CSMD2: variants seen among roughly 807,000 people sequenced by gnomAD.
The protein encoded by CSMD2 is CUB and Sushi multiple domains 2, also known as CUB and sushi domain-containing protein 2.
A neutral mutation model predicts 398.5 loss-of-function variants in CSMD2; 130 were observed. The observed-to-expected ratio is 0.33, with a 90% CI of 0.28 to 0.38. The LOEUF (loss-of-function observed/expected upper bound fraction) is 0.38, where lower values mean the gene tolerates loss of function less well. Among genes scored for constraint, CSMD2 ranks in the 10% least tolerant of loss-of-function variants. CSMD2 has a pLI of 1.00. For synonymous variants in CSMD2, 1,828 were observed against 1,908.5 expected (o/e 0.96, Z 1.10); for missense variants, 3,829 against 4,764.9 (o/e 0.80, Z 5.78).
chr1:33,990,443 C>T (rs142654036), intron 3 of CSMD2, among the ~76,000 whole-genome samples: 1 of 152,224 alleles, frequency 6.6e-6, no homozygotes, highest in Non-Finnish European at 1.5e-5. Context: ...GGATTCACCC[C>T]ATTTAAGGTG....
At chr1:33,727,653 G>T (rs1164042788) in intron 15 of CSMD2, among the ~76,000 whole-genome samples, 1 of 152,166 alleles carries the variant, frequency 6.6e-6, no homozygotes, top group African/African-American at 2.4e-5. Context: ...CTCGGTAATT[G>T]TGGAAGCAAG....
chr1:33,587,045 C>A, intron 45 of CSMD2, 43 bp downstream of exon 45: 1 of 1,487,298 alleles, frequency 6.7e-7, no homozygotes, highest in South Asian at 1.2e-5. Flanking sequence ...CCTTCCTTCC[C>A]CAGTCCTGGG....
At chr1:34,087,658 A>AT (rs1470709701) in intron 2 of CSMD2, among the ~76,000 whole-genome samples, 48 of 146,490 alleles carry the variant, frequency 3.3e-4, no homozygotes, top group African/African-American at 1.2e-3. Context: ...AATAATAATA[A>AT]AGCCAGCACT....
intron 25 of CSMD2, among the ~76,000 whole-genome samples, chr1:33,679,913 A>C (rs1225414753): frequency 7.5e-6 from 1 of 132,750 alleles, no homozygotes; most frequent in Non-Finnish European, 1.6e-5. Flanking sequence ...TTAACCTTGA[A>C]TTTTACTTTT....
chr1:34,029,487 C>T (rs1650142570), intron 3 of CSMD2, among the ~76,000 whole-genome samples: 1 of 152,218 alleles, frequency 6.6e-6, no homozygotes, highest in South Asian at 2.1e-4. Context: ...TGACCCTACT[C>T]ATGCCTCCCA....
chr1:33,540,389 G>C (rs1476228939), intron 60 of CSMD2, 136 bp downstream of exon 60: 1 of 790,586 alleles, frequency 1.3e-6, no homozygotes, highest in Non-Finnish European at 2.0e-6. Context: ...CTCTTTAATA[G>C]TGTCTTTGAT....
intron 9 of CSMD2, chr1:33,812,908 G>GT (rs139934790): frequency 0.11 from 17,267 of 152,102 alleles, 1,181 homozygotes; most frequent in East Asian, 0.26. Context: ...CTGGACATAG[G>GT]TTTTTTTCCC....
chr1:33,562,632 A>T (rs991484337), intron 53 of CSMD2, among the ~76,000 whole-genome samples: 3 of 152,220 alleles, frequency 2.0e-5, no homozygotes, highest in African/African-American at 7.2e-5. Flanking sequence ...TGATACCTAG[A>T]CATATGGCCA....
At chr1:33,922,730 C>T (rs1467207177) in intron 4 of CSMD2, among the ~76,000 whole-genome samples, 1 of 152,084 alleles carries the variant, frequency 6.6e-6, no homozygotes, top group East Asian at 1.9e-4. Flanking sequence ...CTCCCACACC[C>T]CCACATCCAG....
chr1:33,726,284 G>T (rs1457229595), intron 16 of CSMD2, among the ~76,000 whole-genome samples: 1 of 152,114 alleles, frequency 6.6e-6, no homozygotes, highest in East Asian at 1.9e-4. Context: ...TTGGGGGCTG[G>T]GGAGGGGGGA....
At chr1:34,075,352 T>G (rs917571226) in intron 2 of CSMD2, among the ~76,000 whole-genome samples, 1 of 152,240 alleles carries the variant, frequency 6.6e-6, no homozygotes, top group Non-Finnish European at 1.5e-5. Context: ...AAGGCACACC[T>G]TTTAAGGAAT....
At chr1:33,993,624 T>C (rs1646632970) in intron 3 of CSMD2, among the ~76,000 whole-genome samples, 1 of 152,208 alleles carries the variant, frequency 6.6e-6, no homozygotes, top group Admixed American at 6.5e-5. Flanking sequence ...CCATCTTGCT[T>C]TGCTCTCATG....
chr1:34,014,317 T>A (rs1647776733), intron 3 of CSMD2, among the ~76,000 whole-genome samples: 1 of 152,236 alleles, frequency 6.6e-6, no homozygotes, highest in African/African-American at 2.4e-5. Context: ...AACCTGCCCA[T>A]GGGTCCTGAT....
chr1:33,586,669 T>C, intron 45 of CSMD2, 52 bp from the exon 46 acceptor site: 3 of 1,164,058 alleles, frequency 2.6e-6, no homozygotes, highest in Non-Finnish European at 3.9e-6. Context: ...CAGTCATTAG[T>C]ACCTTGAACC....
intron 5 of CSMD2, among the ~76,000 whole-genome samples, chr1:33,854,419 A>G (rs898919072): frequency 6.6e-6 from 1 of 152,208 alleles, no homozygotes; most frequent in African/African-American, 2.4e-5. Flanking sequence ...AAAAGCAGAG[A>G]AAGAGGCAGT....
chr1:33,674,993 A>G (rs1324146467), intron 25 of CSMD2, among the ~76,000 whole-genome samples: 1 of 152,248 alleles, frequency 6.6e-6, no homozygotes, highest in East Asian at 1.9e-4. Context: ...CTAAATGCCC[A>G]CAAGAGAAAG....
intron 3 of CSMD2, among the ~76,000 whole-genome samples, chr1:34,013,444 A>C (rs4653369): frequency 0.21 from 32,058 of 151,908 alleles, 4,047 homozygotes; most frequent in East Asian, 0.57. Context: ...TGAGACCCCA[A>C]ATCCCTCCAC....
intron 2 of CSMD2, among the ~76,000 whole-genome samples, chr1:34,080,921 G>GGAAAGAAAGAAAGAAA (rs10522397): frequency 0.044 from 5,526 of 125,056 alleles, 188 homozygotes; most frequent in East Asian, 0.085. Flanking sequence ...CTAACTGAGT[G>GGAAAGAAAGAAAGAAA]GAAAGAAAGA....
At chr1:33,709,024 G>A in intron 22 of CSMD2, 65 bp downstream of exon 22, 1 of 1,362,900 alleles carries the variant, frequency 7.3e-7, no homozygotes, top group Non-Finnish European at 1.0e-6. Context: ...CAGAGACAAA[G>A]GAGTGAGTAT....
Sources: gnomAD v4.1 joint callset for allele counts (sites outside exome capture counted in the v4.1 genomes callset) on GRCh38, gnomAD v4.1.1 for gene constraint, MANE v1.5 for transcripts, NCBI Gene and HGNC (gene_info 2026-07-23, HGNC 2026-07-21) for gene names.